The following TBC1D19 variants were observed in gnomAD, a reference collection of about 807,000 sequenced individuals.
TBC1D19 encodes TBC1 domain family member 19.
A neutral mutation model predicts 89.0 loss-of-function variants in TBC1D19; 60 were observed. That is an observed-to-expected ratio of 0.67 (90% CI 0.55 to 0.84). The LOEUF is 0.84. TBC1D19 is among the 40% of genes least tolerant of loss of function. The pLI is 0.00. For synonymous variants in TBC1D19, 189 were observed against 199.7 expected (o/e 0.95, Z 0.45); for missense variants, 500 against 610.8 (o/e 0.82, Z 1.91).
At chr4:26,767,142 C>G in the TBC1D19 span, among the ~76,000 whole-genome samples, 1 of 152,032 alleles carries the variant, frequency 6.6e-6, no homozygotes, top group Non-Finnish European at 1.5e-5. Context: ...TGTACCCCAG[C>G]CTGGGTGACA....
At chr4:26,729,418 A>G (rs1717518648) in intron 15 of TBC1D19, among the ~76,000 whole-genome samples, 1 of 152,214 alleles carries the variant, frequency 6.6e-6, no homozygotes, top group African/African-American at 2.4e-5. Flanking sequence ...CTCAGGAACA[A>G]CCTGTTAAAC....
the TBC1D19 span, among the ~76,000 whole-genome samples, chr4:26,809,555 G>A: frequency 6.6e-6 from 1 of 152,152 alleles, no homozygotes; most frequent in Admixed American, 6.5e-5. Context: ...ATTGGGAGGT[G>A]ATCCCAAGAA....
At chr4:26,796,176 T>C in the TBC1D19 span, among the ~76,000 whole-genome samples, 1 of 152,186 alleles carries the variant, frequency 6.6e-6, no homozygotes, top group Non-Finnish European at 1.5e-5. Flanking sequence ...CGAAAAGCAA[T>C]GTTCCAAAAT....
intron 1 of TBC1D19, among the ~76,000 whole-genome samples, chr4:26,591,442 A>G (rs1197446537): frequency 1.3e-5 from 2 of 152,150 alleles, no homozygotes; most frequent in African/African-American, 2.4e-5. Flanking sequence ...AAGAAACCCA[A>G]TTCCCCTTGA....
At chr4:26,612,536 C>A (rs997930084) in intron 1 of TBC1D19, among the ~76,000 whole-genome samples, 6 of 151,884 alleles carry the variant, frequency 4.0e-5, no homozygotes, top group Admixed American at 2.0e-4. Flanking sequence ...TTTGACAGAG[C>A]TAGGTGATGG....
At chr4:26,760,467 G>T (rs567116665), downstream of TBC1D19, among the ~76,000 whole-genome samples, 1 of 152,230 alleles carries the variant, frequency 6.6e-6, no homozygotes, top group African/African-American at 2.4e-5. Context: ...TGGTGGGAGT[G>T]GTGGGGATGC....
chr4:26,611,828 A>G (rs1478106919), intron 1 of TBC1D19, among the ~76,000 whole-genome samples: 1 of 151,980 alleles, frequency 6.6e-6, no homozygotes, highest in Non-Finnish European at 1.5e-5. Flanking sequence ...GTTCCCTATC[A>G]TTCTTCTTTT....
chr4:26,723,103 T>C (rs1007089959), intron 15 of TBC1D19, among the ~76,000 whole-genome samples: 1 of 152,226 alleles, frequency 6.6e-6, no homozygotes, highest in Non-Finnish European at 1.5e-5. Context: ...TAATCCTTAA[T>C]GAGATAAGCC....
chr4:26,855,568 A>AT, the TBC1D19 span, among the ~76,000 whole-genome samples: 5 of 151,946 alleles, frequency 3.3e-5, no homozygotes, highest in Non-Finnish European at 4.4e-5. Context: ...ACTTATGGCC[A>AT]TTTTTTTTAT....
the TBC1D19 span, among the ~76,000 whole-genome samples, chr4:26,796,964 A>G: frequency 3.3e-5 from 5 of 152,232 alleles, no homozygotes; most frequent in Non-Finnish European, 7.3e-5. Context: ...AACAAAAGTT[A>G]AATTTTATGG....
At chr4:26,594,386 T>C (rs1235490007) in intron 1 of TBC1D19, among the ~76,000 whole-genome samples, 1 of 152,066 alleles carries the variant, frequency 6.6e-6, no homozygotes. Context: ...ATATACCTAA[T>C]GTTAAATGAC....
intron 11 of TBC1D19, among the ~76,000 whole-genome samples, chr4:26,681,357 G>A (rs1294966145): frequency 6.6e-6 from 1 of 151,750 alleles, no homozygotes; most frequent in African/African-American, 2.4e-5. Context: ...GGCTAACACG[G>A]TGAAACCCTG....
chr4:26,631,239 A>G (rs1742791187), intron 4 of TBC1D19, among the ~76,000 whole-genome samples: 1 of 152,062 alleles, frequency 6.6e-6, no homozygotes, highest in Non-Finnish European at 1.5e-5. Flanking sequence ...AAGTTTAGCC[A>G]TATCTAGCTT....
intron 15 of TBC1D19, among the ~76,000 whole-genome samples, chr4:26,734,043 G>C (rs1293493301): frequency 1.3e-5 from 2 of 152,172 alleles, no homozygotes; most frequent in Non-Finnish European, 1.5e-5. Context: ...AGAGAGAGCA[G>C]TGTCTTCAAA....
At chr4:26,812,587 A>G in the TBC1D19 span, among the ~76,000 whole-genome samples, 1 of 152,176 alleles carries the variant, frequency 6.6e-6, no homozygotes, top group African/African-American at 2.4e-5. This position sits in a 1 kb window ranked among gnomAD's most constrained non-coding sequence, Gnocchi z 4.2. Flanking sequence ...CTTTTAGTCA[A>G]CAAAGCCACA....
At chr4:26,586,152 G>T (rs1739399538) in intron 1 of TBC1D19, among the ~76,000 whole-genome samples, 1 of 139,844 alleles carries the variant, frequency 7.2e-6, no homozygotes, top group African/African-American at 2.6e-5. Flanking sequence ...GTTAATTATT[G>T]TATATGGTGC....
chr4:26,758,565 T>C (rs1719351061), downstream of TBC1D19, among the ~76,000 whole-genome samples: 1 of 152,162 alleles, frequency 6.6e-6, no homozygotes, highest in African/African-American at 2.4e-5. Context: ...CAATGAGAGC[T>C]AGTGAAACTT....
At chr4:26,823,188 G>A in the TBC1D19 span, among the ~76,000 whole-genome samples, 6 of 152,308 alleles carry the variant, frequency 3.9e-5, no homozygotes, top group Non-Finnish European at 7.3e-5. Context: ...GCTTGTGCAG[G>A]AAAACTCCCA....
intron 1 of TBC1D19, among the ~76,000 whole-genome samples, chr4:26,610,989 G>A (rs977456657): frequency 6.6e-6 from 1 of 152,118 alleles, no homozygotes; most frequent in African/African-American, 2.4e-5. Flanking sequence ...GGGTCAAATG[G>A]TAGTTCTGTT....
Sources: allele counts gnomAD v4.1 joint callset (sites outside exome capture counted in the v4.1 genomes callset), GRCh38; gene constraint gnomAD v4.1.1; non-coding constraint Gnocchi (gnomAD v3.1); transcripts MANE v1.5; gene names NCBI Gene and HGNC (gene_info 2026-07-23, HGNC 2026-07-21).